CTNNA3: variants seen among roughly 807,000 people sequenced by gnomAD.
CTNNA3 encodes catenin alpha 3.
CTNNA3 carries 76 observed loss-of-function variants against 95.7 expected under a neutral mutation model. That is an observed-to-expected ratio of 0.79 (90% CI 0.66 to 0.96). The LOEUF (loss-of-function observed/expected upper bound fraction) is 0.96. Among genes scored for constraint, CTNNA3 ranks in the 40% least tolerant of loss-of-function variants. The pLI is 0.00. For synonymous variants in CTNNA3, 431 were observed against 374.4 expected (o/e 1.15, Z -1.74); for missense variants, 1,191 against 1,089.8 (o/e 1.09, Z -1.31).
intron 5 of CTNNA3, among the ~76,000 whole-genome samples, chr10:67,400,516 G>A (rs1291810474): frequency 6.6e-6 from 1 of 152,060 alleles, no homozygotes; most frequent in Non-Finnish European, 1.5e-5. Context: ...ATTCACTCTG[G>A]AATAAATACT....
intron 7 of CTNNA3, among the ~76,000 whole-genome samples, chr10:66,850,377 T>C (rs1843442769): frequency 6.6e-6 from 1 of 152,192 alleles, no homozygotes; most frequent in Admixed American, 6.5e-5. Flanking sequence ...GAGACACGTA[T>C]AGAATTAACA....
At chr10:66,767,487 G>A (rs1839917066) in intron 8 of CTNNA3, among the ~76,000 whole-genome samples, 1 of 149,508 alleles carries the variant, frequency 6.7e-6, no homozygotes, top group African/African-American at 2.5e-5. Flanking sequence ...ATCCTGAAAT[G>A]TTTCATTAAC....
At chr10:66,601,571 T>A (rs558519155) in intron 10 of CTNNA3, among the ~76,000 whole-genome samples, 173 of 151,996 alleles carry the variant, frequency 1.1e-3, no homozygotes, top group Non-Finnish European at 1.9e-3. Context: ...CTAGACCAAG[T>A]TTCTGCACAC....
At chr10:66,737,426 G>A (rs537037627) in intron 9 of CTNNA3, among the ~76,000 whole-genome samples, 33 of 152,130 alleles carry the variant, frequency 2.2e-4, no homozygotes, top group Non-Finnish European at 4.1e-4. Context: ...CTTAGTTGCC[G>A]CATTCTCATT....
chr10:67,499,655 T>C (rs1255027129), intron 5 of CTNNA3, among the ~76,000 whole-genome samples: 2 of 152,202 alleles, frequency 1.3e-5, no homozygotes, highest in Non-Finnish European at 2.9e-5. Context: ...CCTGGTTTAG[T>C]CTTGGGAGGG....
intron 13 of CTNNA3, among the ~76,000 whole-genome samples, chr10:66,249,810 C>A (rs931667877): frequency 1.3e-5 from 2 of 152,128 alleles, no homozygotes; most frequent in Non-Finnish European, 2.9e-5. Context: ...GGGGACAGAG[C>A]GAGACTCCAT....
At chr10:66,104,828 G>A (rs1166212243) in intron 13 of CTNNA3, among the ~76,000 whole-genome samples, 2 of 152,166 alleles carry the variant, frequency 1.3e-5, no homozygotes, top group African/African-American at 2.4e-5. Context: ...TGCCTTAAAC[G>A]TTGCTTTACA....
Position 66,527,750 on chromosome 10 carries a change from G to A in CTNNA3, c.1375-6977C>T, listed in dbSNP as rs538616979. ...TCCCTTTTCAGATTGTTCATTGTTC[G>A]TATACAAAGACACACTGATTTTTGT... On this transcript the variant is annotated intron_variant, in intron 10 of 17. Transcript: ENST00000433211. 3.3e-5 allele frequency among the ~76,000 whole-genome samples: 5 copies of A among 151,824 alleles called. No homozygotes were observed. The South Asian group carries it at 6.2e-4, about 19-fold the overall frequency.
chr10:67,316,862 G>T (rs1841075817), intron 5 of CTNNA3, among the ~76,000 whole-genome samples: 1 of 151,990 alleles, frequency 6.6e-6, no homozygotes, highest in South Asian at 2.1e-4. Context: ...TAATAATTAA[G>T]TAGCTCTGAA....
At chr10:66,089,098 C>T (rs34700570) in intron 14 of CTNNA3, among the ~76,000 whole-genome samples, 16,440 of 151,794 alleles carry the variant, frequency 0.11, 1,066 homozygotes, top group Non-Finnish European at 0.15. Context: ...AAAGTTCGCG[C>T]CCCTTTTCTT....
chr10:67,436,326 G>T (rs1041331462), intron 5 of CTNNA3, among the ~76,000 whole-genome samples: 3 of 152,118 alleles, frequency 2.0e-5, no homozygotes, highest in African/African-American at 7.2e-5. Context: ...ATCAACTCAA[G>T]ATGGATTAAG....
intron 4 of CTNNA3, among the ~76,000 whole-genome samples, chr10:67,533,209 A>G (rs558061481): frequency 1.9e-3 from 282 of 152,240 alleles, no homozygotes; most frequent in Non-Finnish European, 3.1e-3. Flanking sequence ...CTGTAATCCC[A>G]GCTACTCGGG....
intron 3 of CTNNA3, among the ~76,000 whole-genome samples, chr10:67,600,931 A>G (rs998772718): frequency 3.3e-5 from 5 of 152,200 alleles, no homozygotes; most frequent in East Asian, 1.9e-4. Context: ...ACAAAATACA[A>G]CATACTGTAT....
intron 5 of CTNNA3, among the ~76,000 whole-genome samples, chr10:67,449,623 C>A (rs1275133476): frequency 6.6e-6 from 1 of 152,120 alleles, no homozygotes; most frequent in Non-Finnish European, 1.5e-5. Flanking sequence ...AAGATTGAAA[C>A]TGGACCCCTT....
chr10:66,569,522 G>A (rs373549294), intron 10 of CTNNA3, among the ~76,000 whole-genome samples: 1 of 152,210 alleles, frequency 6.6e-6, no homozygotes, highest in Admixed American at 6.5e-5. Context: ...GAAGAAAACA[G>A]TAATAACATG....
At chr10:66,832,897 C>T (rs957665703) in intron 7 of CTNNA3, among the ~76,000 whole-genome samples, 1 of 152,132 alleles carries the variant, frequency 6.6e-6, no homozygotes, top group South Asian at 2.1e-4. Flanking sequence ...TTTTTCTATT[C>T]AGAAATTTTT....
intron 7 of CTNNA3, among the ~76,000 whole-genome samples, chr10:66,898,647 A>G (rs955358454): frequency 1.3e-5 from 2 of 152,230 alleles, no homozygotes; most frequent in African/African-American, 4.8e-5. Flanking sequence ...CATGCAAAGA[A>G]CAAAACTGGA....
chr10:67,548,423 G>T (rs2133221279), intron 3 of CTNNA3, among the ~76,000 whole-genome samples: 1 of 152,164 alleles, frequency 6.6e-6, no homozygotes, highest in African/African-American at 2.4e-5. Flanking sequence ...ATCCTTACTG[G>T]CTCTTTCAAA....
chr10:67,250,267 G>C (rs1866055339), intron 5 of CTNNA3, among the ~76,000 whole-genome samples: 1 of 150,496 alleles, frequency 6.6e-6, no homozygotes, highest in South Asian at 2.1e-4. Flanking sequence ...CCAGGCTGGA[G>C]GGCAGTGGCA....
Sources: allele counts gnomAD v4.1 joint callset (sites outside exome capture counted in the v4.1 genomes callset), GRCh38; gene constraint gnomAD v4.1.1; transcripts MANE v1.5; gene names NCBI Gene and HGNC (gene_info 2026-07-23, HGNC 2026-07-21).